SLC4A3: variants seen among roughly 807,000 people sequenced by gnomAD.
The protein encoded by SLC4A3 is anion exchange protein 3.
Under a neutral mutation model 114.2 loss-of-function variants are expected in SLC4A3, and 47 were observed. That is an observed-to-expected ratio of 0.41 (90% CI 0.33 to 0.52). SLC4A3 has a LOEUF of 0.52. Among genes scored for constraint, SLC4A3 ranks in the 20% least tolerant of loss-of-function variants. The pLI is 0.21. For missense variants in SLC4A3, 1,312 were observed against 1,668.3 expected (o/e 0.79, Z 3.72); for synonymous variants, 693 against 710.3 (o/e 0.98, Z 0.39).
chr2:219,631,211 GGA>G lies in SLC4A3; in HGVS notation c.812-755_812-754del. ...AGAGCCGAGGGGTCTGGTAGGGAGC[GGA>G]GGCCGAGGTCTCGGCCACCGGGAGA... is the stretch of plus-strand genomic sequence containing the variant. On this transcript the variant is annotated intron_variant, in intron 6 of 22. Coordinates refer to ENST00000358055, the MANE Select transcript of SLC4A3 (RefSeq NM_005070.4). The surrounding 1 kb of genome is among the most constrained non-coding windows in gnomAD (Gnocchi z 6.3). 2 of 1,228,872 alleles carry G rather than the reference GGA, an allele frequency of 1.6e-6. No individual in the cohort carries two copies. Among genetic ancestry groups the G allele is most frequent in the Non-Finnish European group, 1.1e-6 (1 of 948,960 alleles). The allele number at this position is 1,228,872 out of a possible 1,614,324, so 76.1% of individuals were successfully genotyped here.
In SLC4A3 at chr2:219,628,400, T is replaced by A; in HGVS notation, c.52-5T>A. 1.9e-6 allele frequency: 3 copies of A among 1,607,810 alleles called. No homozygotes were observed. The highest frequency in any genetic ancestry group is 2.5e-6 in the Non-Finnish European group (3 of 1,177,722). On this transcript the variant is annotated splice_polypyrimidine_tract_variant and splice_region_variant and intron_variant, in intron 2 of 22. Coordinates refer to ENST00000358055, the MANE Select transcript of SLC4A3 (RefSeq NM_005070.4). The surrounding 1 kb of genome is among the most constrained non-coding windows in gnomAD (Gnocchi z 4.8). ...GTCCTTAGCAGAGGCCGTCTGGGCC[T>A]GCAGGTCCGGGTGCCCTTGGAGGAG... is the stretch of plus-strand genomic sequence containing the variant.
intron 9 of SLC4A3, 65 bp from the exon 10 acceptor site, chr2:219,633,209 T>A (rs1208376769): frequency 6.8e-7 from 1 of 1,463,402 alleles, no homozygotes; most frequent in Admixed American, 2.1e-5. Flanking sequence ...CCTCCACTAC[T>A]CACCTCATGA....
Position 219,638,778 on chromosome 2 carries a change from G to A in SLC4A3, c.2932G>A (p.Ala978Thr). Reference sequence around the variant, plus strand: ...GTGGTTCATCCCACCCCTGGGCAGTGCCCGTCCTTTCCCGCCGTGGATGAT... The same window carrying A: ...GTGGTTCATCCCACCCCTGGGCAGTACCCGTCCTTTCCCGCCGTGGATGAT... The part of the protein sequence containing the change: ...RSWFIPPLGS[A>T]RPFPPWMMVA... Residue 978 changes from alanine to threonine, a missense_variant, in exon 19 of 23, where the codon GCC becomes ACC. Physicochemically the swap from Ala to Thr is moderately conservative, Grantham distance 58. Around this residue, in one of 4 missense-constraint regions of SLC4A3, gnomAD observed 301 missense variants for 460.7 expected, o/e 0.65. Transcript: ENST00000358055. This position sits in a 1 kb window ranked among gnomAD's most constrained non-coding sequence, Gnocchi z 7.5. The A allele has an allele frequency of 6.2e-7, 1 of 1,614,186 alleles. No homozygotes were observed. The highest frequency in any genetic ancestry group is 8.5e-7 in the Non-Finnish European group (1 of 1,180,038).
Position 219,628,298 on chromosome 2 carries a change from G to A in SLC4A3, c.52-107G>A, listed in dbSNP as rs1257492690. Reference sequence around the variant, plus strand: ...GCCTGGGAGCAAGGGGAGGGGGCCCGATGGTGTGAGAGCCTGCTGAGCTCC... The same window carrying A: ...GCCTGGGAGCAAGGGGAGGGGGCCCAATGGTGTGAGAGCCTGCTGAGCTCC... On this transcript the variant is annotated intron_variant, in intron 2 of 22. Coordinates refer to ENST00000358055, the MANE Select transcript of SLC4A3 (RefSeq NM_005070.4). The surrounding 1 kb of genome is among the most constrained non-coding windows in gnomAD (Gnocchi z 4.8). 3 of 1,219,708 alleles carry A rather than the reference G, an allele frequency of 2.5e-6. No homozygotes were observed. Among genetic ancestry groups the A allele is most frequent in the Admixed American group, 2.9e-5 (1 of 35,018 alleles). 75.6% of individuals were successfully genotyped at this position (1,219,708 alleles called of 1,614,324 possible).
chr2:219,637,633 A>AGGG lies in SLC4A3; in HGVS notation c.2590_2592dup (p.Gly864dup). 1 of 1,612,768 alleles carries AGGG rather than the reference A, an allele frequency of 6.2e-7. No individual in the cohort carries two copies. Among genetic ancestry groups the AGGG allele is most frequent in the Non-Finnish European group, 8.5e-7 (1 of 1,179,070 alleles). On this transcript the variant is annotated inframe_insertion, in exon 17 of 23. Coordinates refer to ENST00000358055, the MANE Select transcript of SLC4A3 (RefSeq NM_005070.4). This position sits in a 1 kb window ranked among gnomAD's most constrained non-coding sequence, Gnocchi z 4.6. ...TTCTACCCCCCTGAGGGGGCCCTGG[A>AGGG]GGGGTCCCTGGATGCTGGTCTGGAG...
At chr2:219,632,164 C>A in intron 7 of SLC4A3, 48 bp downstream of exon 7, 1 of 1,606,440 alleles carries the variant, frequency 6.2e-7, no homozygotes, top group Non-Finnish European at 8.5e-7. Context: ...TGCCCCTCGG[C>A]CCCGGAGCCC....
rs73072583 is a variant in SLC4A3, at chr2:219,628,601, G to A, written c.217+31G>A. The A allele has an allele frequency of 7.2e-3, 11,584 of 1,604,568 alleles. 632 individuals are homozygous for A. In the African/African-American group the frequency reaches 0.13, roughly 18 times the overall value. On this transcript the variant is annotated intron_variant, in intron 3 of 22. Coordinates refer to ENST00000358055, the MANE Select transcript of SLC4A3 (RefSeq NM_005070.4). The surrounding 1 kb of genome is among the most constrained non-coding windows in gnomAD (Gnocchi z 4.8). ...TAGCCTGGGGACCCCTAGTGCGGCC[G>A]CCCTCGCCACCATCACCTTCATCGC...
In SLC4A3 at chr2:219,632,280, G is replaced by C; in HGVS notation, c.979G>C (p.Glu327Gln). The change falls in exon 8 of 23, where the codon GAG becomes CAG. Residue 327 changes from glutamate to glutamine, a missense_variant. By Grantham distance (29) the Glu-to-Gln change is conservative. Around this residue, in one of 4 missense-constraint regions of SLC4A3, gnomAD observed 771 missense variants for 977.7 expected, o/e 0.79. Coordinates refer to ENST00000358055, the MANE Select transcript of SLC4A3 (RefSeq NM_005070.4). ...CCCCCAGGTGTTCGTGGAGCTGAAC[G>C]AGCTGATGCTGGACCGCAGCCAGGA... ...RPHEVFVELN[E>Q]LMLDRSQEPH... The C allele has an allele frequency of 6.2e-7, 1 of 1,614,040 alleles. No individual in the cohort carries two copies. Among genetic ancestry groups the C allele is most frequent in the Non-Finnish European group, 8.5e-7 (1 of 1,180,012 alleles).
Position 219,638,099 on chromosome 2 carries a change from C to A in SLC4A3, c.2767-65C>A, listed in dbSNP as rs1344168383. On this transcript the variant is annotated intron_variant, in intron 17 of 22. Transcript: ENST00000358055. The surrounding 1 kb of genome is among the most constrained non-coding windows in gnomAD (Gnocchi z 7.5). Reference sequence around the variant, plus strand: ...CCCAGGCAGGGCCAGAGATGGCAAGCCCCGTGTTAGTCTGCTGACCTTGCC... The same window carrying A: ...CCCAGGCAGGGCCAGAGATGGCAAGACCCGTGTTAGTCTGCTGACCTTGCC... 7.6e-7 allele frequency: 1 copy of A among 1,316,402 alleles called. No homozygotes were observed. The highest frequency in any genetic ancestry group is 1.1e-6 in the Non-Finnish European group (1 of 930,252). The allele number at this position is 1,316,402 out of a possible 1,614,324, so 81.5% of individuals were successfully genotyped here. A position where few individuals can be genotyped will look rare whatever the true frequency, so the allele number is the denominator to read the frequency against.
At position 219,641,827 on chromosome 2, in the gene SLC4A3, C is replaced by T. The variant is rs557749012; in HGVS notation, c.*99C>T. On this transcript the variant is annotated 3_prime_UTR_variant, in exon 23 of 23. Transcript: ENST00000358055. The surrounding 1 kb of genome is among the most constrained non-coding windows in gnomAD (Gnocchi z 4.0). ...CCTGGGCTGGGGGGCTCCTCAGGAC[C>T]CAGAGATGTGCCTGGAACCACTCCT... is the stretch of plus-strand genomic sequence containing the variant. The T allele has an allele frequency of 6.2e-6, 6 of 974,666 alleles. No homozygotes were observed. In the East Asian group the frequency reaches 1.2e-4, roughly 20 times the overall value. The allele number at this position is 974,666 out of a possible 1,614,324, so 60.4% of individuals were successfully genotyped here. A position where few individuals can be genotyped will look rare whatever the true frequency, so the allele number is the denominator to read the frequency against.
rs137926174 is a variant in SLC4A3, at chr2:219,628,443, C to T, written c.90C>T (p.Asp30=). The part of the protein sequence containing the change: ...VPLEEPPLSP[D]VEEEDDDLGK... ...TGGAGGAGCCCCCTCTAAGTCCAGA[C>T]GTGGAGGAGGAGGACGATGACTTGG... The change falls in exon 3 of 23, where the codon GAC becomes GAT. Residue 30 remains aspartate, a synonymous_variant. Coordinates refer to ENST00000358055, the MANE Select transcript of SLC4A3 (RefSeq NM_005070.4). This position sits in a 1 kb window ranked among gnomAD's most constrained non-coding sequence, Gnocchi z 4.8. The T allele has an allele frequency of 1.6e-4, 252 of 1,613,446 alleles. No individual in the cohort carries two copies. The African/African-American group carries it at 2.5e-3, about 16-fold the overall frequency.
intron 13 of SLC4A3, 48 bp from the exon 14 acceptor site, chr2:219,635,625 C>G: frequency 2.0e-6 from 3 of 1,516,296 alleles, no homozygotes; most frequent in Non-Finnish European, 2.7e-6. Context: ...CCGGGGCCTC[C>G]GAGCCAGAGG....
In SLC4A3 at chr2:219,631,244, G is replaced by A. The variant is rs891560667; in HGVS notation, c.812-724G>A. 1.0e-5 allele frequency: 13 copies of A among 1,260,520 alleles called. No homozygotes were observed. Among genetic ancestry groups the A allele is most frequent in the South Asian group, 3.9e-5 (3 of 76,712 alleles). The allele number at this position is 1,260,520 out of a possible 1,614,324, so 78.1% of individuals were successfully genotyped here. On this transcript the variant is annotated intron_variant, in intron 6 of 22. Coordinates refer to ENST00000358055, the MANE Select transcript of SLC4A3 (RefSeq NM_005070.4). The surrounding 1 kb of genome is among the most constrained non-coding windows in gnomAD (Gnocchi z 6.3). ...AGGTCTCGGCCACCGGGAGAATGACGAGCCCACTGGAGAAGGACCCTGAGC... is the reference window on the plus strand; with the variant it reads ...AGGTCTCGGCCACCGGGAGAATGACAAGCCCACTGGAGAAGGACCCTGAGC...
In SLC4A3 at chr2:219,635,734, G is replaced by A. The variant is rs752530931; in HGVS notation, c.2034G>A (p.Thr678=). The A allele has an allele frequency of 2.3e-5, 36 of 1,596,156 alleles. No individual in the cohort carries two copies. The highest frequency in any genetic ancestry group is 1.7e-4 in the South Asian group (15 of 87,936). The change falls in exon 14 of 23, where the codon ACG becomes ACA. Residue 678 remains threonine, a synonymous_variant. Transcript: ENST00000358055. ...ATPEDDPLLR[T]GSVFGGLVRD... ...CTGAAGATGACCCCTTGCTGCGGAC[G>A]GGCTCGGTATTTGGGGGGCTTGTGC...
intron 5 of SLC4A3, 91 bp downstream of exon 5, chr2:219,629,786 G>A: frequency 1.3e-6 from 1 of 785,642 alleles, no homozygotes; most frequent in Non-Finnish European, 2.0e-6. Context: ...ACCCTGGGGA[G>A]TGTCCCCAGC....
rs1376871195 is a variant in SLC4A3 at position 219,641,145 on chromosome 2, T to C, written c.3621+183T>C. ...AGGGGTGATCATAGACCCTACCTTA[T>C]AGGACTGTTGGGAGGGTCAAGTGCT... On this transcript the variant is annotated intron_variant, in intron 22 of 22. Coordinates refer to ENST00000358055, the MANE Select transcript of SLC4A3 (RefSeq NM_005070.4). This position sits in a 1 kb window ranked among gnomAD's most constrained non-coding sequence, Gnocchi z 4.0. Among the ~76,000 whole-genome samples, 1 of 152,166 alleles carries C rather than the reference T, an allele frequency of 6.6e-6. No homozygotes were observed.
At position 219,640,974 on chromosome 2, in the gene SLC4A3, G is replaced by C; in HGVS notation, c.3621+12G>C. 1 of 1,601,968 alleles carries C rather than the reference G, an allele frequency of 6.2e-7. No individual in the cohort carries two copies. Among genetic ancestry groups the C allele is most frequent in the East Asian group, 2.2e-5 (1 of 44,884 alleles). ...GGGAGCTGCAGGCGGTAAGGGGGTG[G>C]TGGTCTGGGGAAACAGTGTTAGGGC... On this transcript the variant is annotated intron_variant, in intron 22 of 22. Coordinates refer to ENST00000358055, the MANE Select transcript of SLC4A3 (RefSeq NM_005070.4).
rs1394120894 is a variant in SLC4A3, at chr2:219,631,232, C to T, written c.812-736C>T. 21 of 1,251,098 alleles carry T rather than the reference C, an allele frequency of 1.7e-5. No individual in the cohort carries two copies. Among genetic ancestry groups the T allele is most frequent in the South Asian group, 2.7e-5 (2 of 74,376 alleles). The allele number at this position is 1,251,098 out of a possible 1,614,324, so 77.5% of individuals were successfully genotyped here. On this transcript the variant is annotated intron_variant, in intron 6 of 22. Transcript: ENST00000358055. The surrounding 1 kb of genome is among the most constrained non-coding windows in gnomAD (Gnocchi z 6.3). ...GAGCGGAGGCCGAGGTCTCGGCCACCGGGAGAATGACGAGCCCACTGGAGA... is the reference window on the plus strand; with the variant it reads ...GAGCGGAGGCCGAGGTCTCGGCCACTGGGAGAATGACGAGCCCACTGGAGA...
At chr2:219,627,866 G>C (rs978718737) in intron 1 of SLC4A3, 34 bp from the exon 2 acceptor site, 1 of 728,320 alleles carries the variant, frequency 1.4e-6, no homozygotes, top group African/African-American at 1.9e-5. Context: ...GGGGGCGCCA[G>C]CGCAAGGAAC....
Sources: allele counts gnomAD v4.1 joint callset (sites outside exome capture counted in the v4.1 genomes callset), GRCh38; gene constraint gnomAD v4.1.1; regional missense constraint gnomAD v4.1.1; non-coding constraint Gnocchi (gnomAD v3.1); transcripts MANE v1.5; gene names NCBI Gene and HGNC (gene_info 2026-07-23, HGNC 2026-07-21).